The following GPC5 variants were observed in gnomAD, a reference collection of about 807,000 sequenced individuals.
GPC5 encodes glypican 5, also known as glypican-5.
Under a neutral mutation model 53.9 loss-of-function variants are expected in GPC5, and 47 were observed. That is an observed-to-expected ratio of 0.87 (90% confidence interval 0.69 to 1.11). The LOEUF is 1.11. Among genes scored for constraint, GPC5 ranks in the 50% most tolerant of loss-of-function variants. GPC5 has a pLI of 0.00. For missense variants in GPC5, 748 were observed against 713.1 expected, an observed-to-expected ratio of 1.05 and a Z score of -0.56; for synonymous variants, 286 against 263.3, an observed-to-expected ratio of 1.09 and a Z score of -0.84.
intron 2 of GPC5, among the ~76,000 whole-genome samples, chr13:91,652,955 A>C (rs1462316693): frequency 6.6e-6 from 1 of 152,200 alleles, no homozygotes; most frequent in Non-Finnish European, 1.5e-5. Context: ...AAATTCCTCA[A>C]ATTGTTGACG....
At chr13:92,803,683 T>G (rs999062548) in intron 7 of GPC5, among the ~76,000 whole-genome samples, 1 of 151,936 alleles carries the variant, frequency 6.6e-6, no homozygotes, top group Non-Finnish European at 1.5e-5. Context: ...TATTTTCCAT[T>G]CTTTTGATTA....
At chr13:92,332,990 G>C (rs953919282) in intron 7 of GPC5, among the ~76,000 whole-genome samples, 4 of 152,154 alleles carry the variant, frequency 2.6e-5, no homozygotes, top group Non-Finnish European at 2.9e-5. Flanking sequence ...TGTCTTCACT[G>C]TTTTGGAGAT....
intron 7 of GPC5, among the ~76,000 whole-genome samples, chr13:92,767,655 C>T (rs1210101303): frequency 6.6e-6 from 1 of 152,100 alleles, no homozygotes; most frequent in Non-Finnish European, 1.5e-5. Context: ...GTTAGTTACA[C>T]TGTTAGTTAC....
intron 5 of GPC5, among the ~76,000 whole-genome samples, chr13:91,811,217 A>G (rs1156352578): frequency 2.0e-5 from 3 of 152,054 alleles, no homozygotes; most frequent in Non-Finnish European, 2.9e-5. Flanking sequence ...CAGAATACCA[A>G]TTAGAATTTG....
Position 91,432,209 on chromosome 13 carries a change from GT to G in GPC5, c.164-16551del, listed in dbSNP as rs1879526446. On this transcript the variant is annotated intron_variant, in intron 1 of 7. Transcript: ENST00000377067. ...ACTGCTGCTGCTGCTGCTGCTGTGT[GT>G]GTGTGTGTGTGTGTGTGTGTGTGTG... Among the ~76,000 whole-genome samples the G allele has an allele frequency of 1.3e-4, 14 of 105,700 alleles. No individual in the cohort carries two copies. The South Asian group carries it at 1.6e-3, about 12-fold the overall frequency. 69.3% of individuals were successfully genotyped at this position (105,700 alleles called of 152,430 possible).
At chr13:92,619,403 C>T (rs1884799478) in intron 7 of GPC5, among the ~76,000 whole-genome samples, 1 of 151,832 alleles carries the variant, frequency 6.6e-6, no homozygotes. Flanking sequence ...GTTGTATAAG[C>T]AATTTTATGA....
At chr13:92,588,390 C>G (rs1018204279) in intron 7 of GPC5, among the ~76,000 whole-genome samples, 1 of 152,198 alleles carries the variant, frequency 6.6e-6, no homozygotes, top group African/African-American at 2.4e-5. Context: ...TTTATTGCAG[C>G]CTTAACACTG....
chr13:91,877,517 G>A (rs2039217310), intron 5 of GPC5, among the ~76,000 whole-genome samples: 2 of 152,144 alleles, frequency 1.3e-5, no homozygotes, highest in African/African-American at 4.8e-5. Flanking sequence ...ACTTGCATGG[G>A]CCCTGTAACG....
At chr13:92,169,169 G>A (rs2042052088) in intron 7 of GPC5, among the ~76,000 whole-genome samples, 1 of 152,084 alleles carries the variant, frequency 6.6e-6, no homozygotes, top group South Asian at 2.1e-4. Context: ...ACATACACTG[G>A]AGCCTGTCAG....
At chr13:91,970,902 A>C (rs899234071) in intron 6 of GPC5, among the ~76,000 whole-genome samples, 28 of 152,200 alleles carry the variant, frequency 1.8e-4, no homozygotes, top group Non-Finnish European at 3.8e-4. Flanking sequence ...ATCAATGTTC[A>C]TCAAGGATAT....
At chr13:92,546,630 T>A (rs1342964211) in intron 7 of GPC5, among the ~76,000 whole-genome samples, 1 of 152,108 alleles carries the variant, frequency 6.6e-6, no homozygotes, top group African/African-American at 2.4e-5. Flanking sequence ...CCCCATCAAA[T>A]TACCAATGAC....
At chr13:91,788,202 C>T (rs977892630) in intron 5 of GPC5, among the ~76,000 whole-genome samples, 52 of 152,150 alleles carry the variant, frequency 3.4e-4, no homozygotes, top group African/African-American at 1.2e-3. Flanking sequence ...GTAGTGAGGG[C>T]CTTCTTCCTG....
chr13:91,899,015 C>T (rs570982274), intron 5 of GPC5, among the ~76,000 whole-genome samples: 1 of 152,226 alleles, frequency 6.6e-6, no homozygotes, highest in East Asian at 1.9e-4. Context: ...ATTGTCACAA[C>T]CTTACTATCA....
At chr13:91,757,840 A>C (rs570219517) in intron 5 of GPC5, among the ~76,000 whole-genome samples, 1 of 152,280 alleles carries the variant, frequency 6.6e-6, no homozygotes, top group African/African-American at 2.4e-5. Flanking sequence ...AAAAGTGATG[A>C]GTTCATTTAA....
chr13:92,333,077 A>G (rs2043299020), intron 7 of GPC5, among the ~76,000 whole-genome samples: 1 of 152,190 alleles, frequency 6.6e-6, no homozygotes, highest in Non-Finnish European at 1.5e-5. Flanking sequence ...CTTGGCAGGA[A>G]TGAGTACTGG....
rs555617474 is a variant in GPC5, at chr13:92,214,955, T to C, written c.1561+69966T>C. 2.0e-5 allele frequency among the ~76,000 whole-genome samples: 3 copies of C among 152,200 alleles called. No homozygotes were observed. In the South Asian group the frequency reaches 6.2e-4, roughly 32 times the overall value. ...AAGCTGGACATGTCAAGGAAATGGATTCCTCTCTGCTCTTGAGCCGCCAAG... is the reference window on the plus strand; with the variant it reads ...AAGCTGGACATGTCAAGGAAATGGACTCCTCTCTGCTCTTGAGCCGCCAAG... On this transcript the variant is annotated intron_variant, in intron 7 of 7. Transcript: ENST00000377067.
chr13:92,506,823 A>G (rs915684739), intron 7 of GPC5, among the ~76,000 whole-genome samples: 41 of 152,204 alleles, frequency 2.7e-4, no homozygotes, highest in Admixed American at 2.7e-3. Context: ...CGCAGGCTCG[A>G]TTAAAATTTC....
chr13:91,963,372 A>C (rs2040144759), intron 6 of GPC5, among the ~76,000 whole-genome samples: 1 of 152,160 alleles, frequency 6.6e-6, no homozygotes, highest in Non-Finnish European at 1.5e-5. Context: ...ATTTTCAAAA[A>C]TTTGCACATA....
intron 7 of GPC5, among the ~76,000 whole-genome samples, chr13:92,594,269 T>G (rs2139071529): frequency 6.6e-6 from 1 of 152,280 alleles, no homozygotes; most frequent in Admixed American, 6.5e-5. Flanking sequence ...CACACTTTAC[T>G]TCTCAGCTCA....
Sources: gnomAD v4.1 joint callset for allele counts (sites outside exome capture counted in the v4.1 genomes callset) on GRCh38, gnomAD v4.1.1 for gene constraint, MANE v1.5 for transcripts, NCBI Gene and HGNC (gene_info 2026-07-23, HGNC 2026-07-21) for gene names.